LRRC53: variants seen among roughly 807,000 people sequenced by gnomAD.
LRRC53 encodes leucine rich repeat containing 53.
A neutral mutation model predicts 13.6 loss-of-function variants in LRRC53; 25 were observed. The observed-to-expected ratio is 1.83, with a 90% CI of 1.34 to 2.56. LRRC53 has a LOEUF of 2.56. LRRC53 is among the 30% of genes most tolerant of loss of function. The pLI, the probability that LRRC53 is intolerant of heterozygous loss-of-function variation, is 0.00. For synonymous variants in LRRC53, 204 were observed against 109.8 expected (o/e 1.86, Z -5.37); for missense variants, 527 against 275.8 (o/e 1.91, Z -6.45).
chr1:74,478,018 T>A (rs889958731), intron 3 of LRRC53, among the ~76,000 whole-genome samples: 2 of 152,208 alleles, frequency 1.3e-5, no homozygotes, highest in Non-Finnish European at 2.9e-5. Flanking sequence ...AGTTTTAAAT[T>A]TACAAATATA....
At chr1:74,535,694 G>A in the LRRC53 span, among the ~76,000 whole-genome samples, 5 of 152,076 alleles carry the variant, frequency 3.3e-5, no homozygotes, top group Non-Finnish European at 5.9e-5. Context: ...AGGAAATGCA[G>A]CATTTTGTTT....
At chr1:74,514,791 G>T (rs1033092100), upstream of LRRC53, among the ~76,000 whole-genome samples, 7 of 152,062 alleles carry the variant, frequency 4.6e-5, no homozygotes, top group East Asian at 1.9e-4. Flanking sequence ...GGGTTGAATT[G>T]TATCCCCCAA....
chr1:74,514,992 G>T (rs1303799958), upstream of LRRC53, among the ~76,000 whole-genome samples: 1 of 152,030 alleles, frequency 6.6e-6, no homozygotes, highest in African/African-American at 2.4e-5. Flanking sequence ...GATGATGGAG[G>T]CAGGGACTGA....
At chr1:74,518,873 C>CTTTTTTTTTTTTTTTTTTTTT in the LRRC53 span, among the ~76,000 whole-genome samples, 2 of 100,358 alleles carry the variant, frequency 2.0e-5, 1 homozygote. Flanking sequence ...TTTTTTTTCC[C>CTTTTTTTTTTTTTTTTTTTTT]CTTTTTTTTT....
rs983502598 is a variant in LRRC53, at chr1:74,481,303, G to A, written c.89-335C>T. Among the ~76,000 whole-genome samples the A allele has an allele frequency of 2.0e-5, 3 of 152,176 alleles. No homozygotes were observed. In the South Asian group the frequency reaches 6.2e-4, roughly 32 times the overall value. On this transcript the variant is annotated intron_variant, in intron 2 of 4. Transcript: ENST00000294635. Reference sequence around the variant, plus strand: ...AGGTGTCTTTTCAGGCCCTCCCTCCGAGGCTATGTACTGACCTGATCTAGC... The same window carrying A: ...AGGTGTCTTTTCAGGCCCTCCCTCCAAGGCTATGTACTGACCTGATCTAGC...
At chr1:74,487,655 C>T (rs10493543) in intron 1 of LRRC53, among the ~76,000 whole-genome samples, 11,365 of 151,540 alleles carry the variant, frequency 0.075, 999 homozygotes, top group African/African-American at 0.22. Context: ...TGAGTGACAG[C>T]GAAAAGATGA....
chr1:74,470,450 C>T lies in LRRC53; in HGVS notation c.3172G>A (p.Gly1058Arg), dbSNP rs1186677354. ...VWHLTNSSEK[G>R]IDSTNALPRN... ...GGCAATGCATTTGTGCTGTCAATTC[C>T]TTTTTCGCTACTATTGGTTAGGTGC... The change falls in exon 5 of 5, where the codon GGA becomes AGA. Residue 1058 changes from glycine (G) to arginine (R), a missense_variant. Gly to Arg is a moderately radical substitution (Grantham distance 125). Transcript: ENST00000294635. The T allele has an allele frequency of 2.5e-6, 1 of 400,486 alleles. No homozygotes were observed. Among genetic ancestry groups the T allele is most frequent in the African/African-American group, 2.1e-5 (1 of 48,646 alleles). 24.8% of individuals were successfully genotyped at this position (400,486 alleles called of 1,614,324 possible).
intron 1 of LRRC53, among the ~76,000 whole-genome samples, chr1:74,507,221 T>TGA (rs1553153836): frequency 2.3e-5 from 2 of 85,924 alleles, no homozygotes; most frequent in Non-Finnish European, 5.2e-5. Context: ...TTAAATTTCT[T>TGA]CACCCCCCCC....
chr1:74,509,770 T>C (rs1489717122), intron 1 of LRRC53, among the ~76,000 whole-genome samples: 2 of 138,670 alleles, frequency 1.4e-5, no homozygotes, highest in Non-Finnish European at 3.1e-5. Flanking sequence ...TTTTTTTTTT[T>C]TTTTTTTGAG....
chr1:74,508,898 AG>A (rs1287022719), intron 1 of LRRC53, among the ~76,000 whole-genome samples: 1 of 152,188 alleles, frequency 6.6e-6, no homozygotes, highest in Non-Finnish European at 1.5e-5. Context: ...TGGTTTTTAC[AG>A]GGTCTGCAGA....
At chr1:74,537,023 T>C in the LRRC53 span, among the ~76,000 whole-genome samples, 1 of 152,192 alleles carries the variant, frequency 6.6e-6, no homozygotes, top group Non-Finnish European at 1.5e-5. Context: ...CATGGGTAGC[T>C]TCCATCTGTC....
At chr1:74,478,041 C>T (rs1300993074) in intron 3 of LRRC53, among the ~76,000 whole-genome samples, 1 of 152,098 alleles carries the variant, frequency 6.6e-6, no homozygotes, top group Non-Finnish European at 1.5e-5. Flanking sequence ...TATTTATGTT[C>T]TTTGGAATTT....
At chr1:74,514,074 G>A (rs1250525958), upstream of LRRC53, among the ~76,000 whole-genome samples, 2 of 152,260 alleles carry the variant, frequency 1.3e-5, 1 homozygote, top group Non-Finnish European at 2.9e-5. Flanking sequence ...AAGGCTATTC[G>A]AAGTTTGCAT....
intron 3 of LRRC53, among the ~76,000 whole-genome samples, chr1:74,478,152 C>T (rs1321605178): frequency 1.3e-5 from 2 of 152,104 alleles, no homozygotes; most frequent in Non-Finnish European, 2.9e-5. Context: ...ACTCACCACA[C>T]GTGTGCTTCA....
At chr1:74,525,001 A>G in the LRRC53 span, among the ~76,000 whole-genome samples, 1 of 152,226 alleles carries the variant, frequency 6.6e-6, no homozygotes, top group Non-Finnish European at 1.5e-5. Flanking sequence ...TCAATTATAT[A>G]GTAAGTATTT....
chr1:74,470,026 A>G lies in LRRC53; in HGVS notation c.3596T>C (p.Leu1199Ser). The G allele has an allele frequency of 2.5e-6, 1 of 400,734 alleles. No individual in the cohort carries two copies. The highest frequency in any genetic ancestry group is 4.4e-6 in the Non-Finnish European group (1 of 226,172). The allele number at this position is 400,734 out of a possible 1,614,324, so 24.8% of individuals were successfully genotyped here. The change falls in exon 5 of 5, where the codon TTA (leucine) becomes TCA (serine). Residue 1199 changes from leucine to serine, a missense_variant. Transcript: ENST00000294635. ...CTCAAAACTGTCTTTTAACCCTGGTAAGAAGGAAAGCGCTTCATGTGTCTC... is the reference window on the plus strand; with the variant it reads ...CTCAAAACTGTCTTTTAACCCTGGTGAGAAGGAAAGCGCTTCATGTGTCTC... Reference protein sequence around the residue: ...TVETHEALSFLPGLKDSFEAE... With the variant: ...TVETHEALSFSPGLKDSFEAE...
chr1:74,502,601 T>A (rs536464959), intron 1 of LRRC53, among the ~76,000 whole-genome samples: 7 of 152,308 alleles, frequency 4.6e-5, no homozygotes, highest in Admixed American at 3.3e-4. Context: ...AGCAGGGAGC[T>A]ATCCAGAGTA....
At chr1:74,498,217 A>G (rs1204382101) in intron 1 of LRRC53, among the ~76,000 whole-genome samples, 1 of 152,188 alleles carries the variant, frequency 6.6e-6, no homozygotes, top group African/African-American at 2.4e-5. Flanking sequence ...CCATCAACCT[A>G]TCACTGTATC....
the LRRC53 span, among the ~76,000 whole-genome samples, chr1:74,530,534 C>T: frequency 6.6e-5 from 10 of 152,076 alleles, no homozygotes; most frequent in Non-Finnish European, 1.5e-4. Flanking sequence ...AAATAAAAAT[C>T]ATCAAATAGA....
Sources: gnomAD v4.1 joint callset for allele counts (sites outside exome capture counted in the v4.1 genomes callset) on GRCh38, gnomAD v4.1.1 for gene constraint, MANE v1.5 for transcripts, NCBI Gene and HGNC (gene_info 2026-07-23, HGNC 2026-07-21) for gene names.